DGKI: variants seen among roughly 807,000 people sequenced by gnomAD.
DGKI encodes DAG kinase iota.
In DGKI, 55 loss-of-function variants were observed where a neutral mutation model predicts 147.5. The ratio of observed to expected loss-of-function variants is 0.37; its 90% CI spans 0.30 to 0.47. The LOEUF is 0.47. Among genes scored for constraint, DGKI ranks in the 20% least tolerant of loss-of-function variants. DGKI has a pLI of 1.00. For missense variants in DGKI, 1,007 were observed against 1,323.8 expected (o/e 0.76, Z 3.71); for synonymous variants, 469 against 477.1 (o/e 0.98, Z 0.22).
chr7:137,442,032 G>C (rs1157990310), intron 28 of DGKI, among the ~76,000 whole-genome samples: 1 of 152,084 alleles, frequency 6.6e-6, no homozygotes, highest in Non-Finnish European at 1.5e-5. Context: ...TTTTTTTCAA[G>C]AATATATGGG....
intron 2 of DGKI, among the ~76,000 whole-genome samples, chr7:137,685,768 C>T (rs1034680819): frequency 2.0e-5 from 3 of 152,116 alleles, no homozygotes; most frequent in African/African-American, 7.2e-5. Context: ...AGTAGGAAGG[C>T]CAAAGTACTG....
Position 137,722,385 on chromosome 7 carries a change from C to G in DGKI, c.402-32383G>C, listed in dbSNP as rs532248665. The G allele has an allele frequency of 4.5e-4, 729 of 1,612,532 alleles. 1 individual carries two copies. Among genetic ancestry groups the G allele is most frequent in the Non-Finnish European group, 5.8e-4 (688 of 1,178,546 alleles). On this transcript the variant is annotated intron_variant, in intron 1 of 32. Transcript: ENST00000614521. ...TGTTGAGCCACAGCAAAAAACCCTT[C>G]AGTCAGCACGTGAGAAAACTGCGAG...
intron 1 of DGKI, among the ~76,000 whole-genome samples, chr7:137,691,142 T>C (rs1222508249): frequency 6.6e-6 from 1 of 152,152 alleles, no homozygotes; most frequent in Non-Finnish European, 1.5e-5. Context: ...GGAAGCTGCA[T>C]TTACACACAC....
At chr7:137,697,756 G>T (rs1211143223) in intron 1 of DGKI, among the ~76,000 whole-genome samples, 1 of 151,970 alleles carries the variant, frequency 6.6e-6, no homozygotes, top group Non-Finnish European at 1.5e-5. Flanking sequence ...TAAATAAAAA[G>T]ATTCTGCTTT....
chr7:137,650,915 T>C lies in DGKI; in HGVS notation c.738+3817A>G, dbSNP rs546160975. On this transcript the variant is annotated intron_variant, in intron 5 of 32. Coordinates refer to ENST00000614521, the MANE Select transcript of DGKI (RefSeq NM_001321708.2). ...AGTACAGCAGTGAAATACACAAATATCCAAAGGTGGGGAATATCTTGGTAT... is the reference window on the plus strand; with the variant it reads ...AGTACAGCAGTGAAATACACAAATACCCAAAGGTGGGGAATATCTTGGTAT... 3.3e-5 allele frequency among the ~76,000 whole-genome samples: 5 copies of C among 152,232 alleles called. No individual in the cohort carries two copies. The South Asian group carries it at 6.2e-4, about 19-fold the overall frequency.
At chr7:137,535,035 C>T (rs149834855) in intron 20 of DGKI, among the ~76,000 whole-genome samples, 1 of 152,210 alleles carries the variant, frequency 6.6e-6, no homozygotes, top group Non-Finnish European at 1.5e-5. Flanking sequence ...AAGAAACCAA[C>T]CCTGCTGACA....
chr7:137,796,422 C>T (rs1412716010), intron 1 of DGKI, among the ~76,000 whole-genome samples: 1 of 152,024 alleles, frequency 6.6e-6, no homozygotes, highest in Non-Finnish European at 1.5e-5. Context: ...ATCACTTGAA[C>T]CCAGGAGATG....
chr7:137,730,134 A>G (rs1188511970), intron 1 of DGKI, among the ~76,000 whole-genome samples: 1 of 152,060 alleles, frequency 6.6e-6, no homozygotes, highest in African/African-American at 2.4e-5. Context: ...ATTCATGCCT[A>G]TAGCTCTAAT....
At chr7:137,507,981 CA>C (rs1334713025) in intron 21 of DGKI, among the ~76,000 whole-genome samples, 1 of 151,982 alleles carries the variant, frequency 6.6e-6, no homozygotes, top group African/African-American at 2.4e-5. Flanking sequence ...TCTAAGGAAC[CA>C]CAGCATGAAA....
Position 137,521,939 on chromosome 7 carries a change from C to T in DGKI, c.2175G>A (p.Arg725=). The change falls in exon 21 of 33, where the codon AGG becomes AGA. Residue 725 remains arginine, a synonymous_variant. Coordinates refer to ENST00000614521, the MANE Select transcript of DGKI (RefSeq NM_001321708.2). ...GTAAACTGATTTTGTTCACCCGGAT[C>T]CTCAGACGATCTGGGACAGACTGGG... is the stretch of plus-strand genomic sequence containing the variant. ...NDPQSVPDRL[R]IRVNKISLQD... The T allele has an allele frequency of 6.2e-7, 1 of 1,611,810 alleles. No homozygotes were observed. Among genetic ancestry groups the T allele is most frequent in the Non-Finnish European group, 8.5e-7 (1 of 1,178,698 alleles).
intron 1 of DGKI, among the ~76,000 whole-genome samples, chr7:137,755,068 C>G (rs931227281): frequency 6.6e-6 from 1 of 152,116 alleles, no homozygotes; most frequent in African/African-American, 2.4e-5. Context: ...TTTTTATATA[C>G]ATATGCTCAC....
chr7:137,590,381 C>T (rs1276665972), intron 12 of DGKI, among the ~76,000 whole-genome samples: 1 of 152,186 alleles, frequency 6.6e-6, no homozygotes, highest in Non-Finnish European at 1.5e-5. Flanking sequence ...AGTGACATAC[C>T]CCTGCCATCT....
chr7:137,442,433 C>A (rs776512165), intron 28 of DGKI, among the ~76,000 whole-genome samples: 17 of 152,238 alleles, frequency 1.1e-4, no homozygotes, highest in African/African-American at 4.1e-4. Context: ...GGAATAAATT[C>A]TCATAGACAG....
intron 1 of DGKI, chr7:137,722,097 C>T: frequency 6.3e-7 from 1 of 1,598,356 alleles, no homozygotes; most frequent in South Asian, 1.1e-5. Context: ...CTAAAAAGCC[C>T]AAGAAGGGGA....
At chr7:137,635,931 T>C (rs1189863711) in intron 6 of DGKI, among the ~76,000 whole-genome samples, 5 of 152,202 alleles carry the variant, frequency 3.3e-5, no homozygotes, top group African/African-American at 4.8e-5. Context: ...TTCTTCGTCA[T>C]GGGACTTAAC....
intron 1 of DGKI, among the ~76,000 whole-genome samples, chr7:137,703,910 A>T (rs528332264): frequency 5.9e-5 from 9 of 152,176 alleles, no homozygotes; most frequent in Non-Finnish European, 1.0e-4. Flanking sequence ...AGAAGATCAG[A>T]CATTTTTTAA....
intron 27 of DGKI, among the ~76,000 whole-genome samples, chr7:137,459,560 C>T (rs1307986080): frequency 2.0e-5 from 3 of 149,930 alleles, no homozygotes; most frequent in Non-Finnish European, 3.0e-5. Context: ...CTGCAAGCTC[C>T]GCCTCCCGGG....
chr7:137,789,501 A>C (rs187357851), intron 1 of DGKI, among the ~76,000 whole-genome samples: 245 of 152,294 alleles, frequency 1.6e-3, no homozygotes, highest in Non-Finnish European at 2.8e-3. Flanking sequence ...TCCCATAGAA[A>C]CATTATCAAA....
chr7:137,787,565 A>G (rs1796712445), intron 1 of DGKI, among the ~76,000 whole-genome samples: 1 of 152,218 alleles, frequency 6.6e-6, no homozygotes, highest in East Asian at 1.9e-4. Context: ...GAGATTCCTT[A>G]AAGAACTAAA....
Sources: gnomAD v4.1 joint callset for allele counts (sites outside exome capture counted in the v4.1 genomes callset) on GRCh38, gnomAD v4.1.1 for gene constraint, MANE v1.5 for transcripts, NCBI Gene and HGNC (gene_info 2026-07-23, HGNC 2026-07-21) for gene names.